ARHGAP40: variants seen among roughly 807,000 people sequenced by gnomAD.
The protein encoded by ARHGAP40 is rho GTPase-activating protein 40.
Under a neutral mutation model 73.5 loss-of-function variants are expected in ARHGAP40, and 43 were observed. The ratio of observed to expected loss-of-function variants is 0.58; its 90% CI spans 0.46 to 0.75. The LOEUF is 0.75. ARHGAP40 is among the 30% of genes least tolerant of loss of function. ARHGAP40 has a pLI of 0.00. For missense variants in ARHGAP40, 734 were observed against 861.8 expected (o/e 0.85, Z 1.86); for synonymous variants, 300 against 352.8 (o/e 0.85, Z 1.68).
exon 3 of ARHGAP40, chr20:38,627,174 G>A (rs1257441297): frequency 1.5e-6 from 2 of 1,305,362 alleles, no homozygotes; most frequent in Non-Finnish European, 2.0e-6. Flanking sequence ...CAAGACACCT[G>A]TCAGAGATGT....
intron 3 of ARHGAP40, among the ~76,000 whole-genome samples, chr20:38,627,956 T>G (rs2088912974): frequency 6.6e-6 from 1 of 152,194 alleles, no homozygotes; most frequent in Non-Finnish European, 1.5e-5. Flanking sequence ...AAGAGTGAGC[T>G]GGTGGTAGAA....
chr20:38,614,824 A>G (rs2088825210), intron 1 of ARHGAP40: 8 of 744,986 alleles, frequency 1.1e-5, no homozygotes. Flanking sequence ...CATGCATTCA[A>G]AAGTGTCTCT....
exon 14 of ARHGAP40, chr20:38,648,658 G>C (rs116418564): frequency 6.1e-6 from 8 of 1,305,586 alleles, no homozygotes; most frequent in Non-Finnish European, 8.1e-6. Flanking sequence ...GGTCCATGGA[G>C]TCAGCCAACA....
At chr20:38,648,248 C>T (rs1457760267) in intron 13 of ARHGAP40, among the ~76,000 whole-genome samples, 1 of 152,260 alleles carries the variant, frequency 6.6e-6, no homozygotes, top group Non-Finnish European at 1.5e-5. Flanking sequence ...ACATGATAGG[C>T]ATCATTATCA....
chr20:38,628,309 C>CTT lies in ARHGAP40; in HGVS notation c.559-606_559-605dup, dbSNP rs112317328. 8.7e-4 allele frequency among the ~76,000 whole-genome samples: 127 copies of CTT among 145,682 alleles called. 1 individual carries two copies. The highest frequency in any genetic ancestry group is 4.1e-3 in the Admixed American group (60 of 14,658). On this transcript the variant is annotated intron_variant, in intron 3 of 14. Transcript: ENST00000373345. ...CCTACCTCATTATCAGTACAAAATC[C>CTT]TTTTTTTTTTTTTGAGACTGAGCCT...
intron 10 of ARHGAP40, among the ~76,000 whole-genome samples, chr20:38,642,009 G>C (rs1237960159): frequency 5.9e-5 from 9 of 152,156 alleles, no homozygotes; most frequent in Admixed American, 1.3e-4. Flanking sequence ...TCCCGGAGTG[G>C]GCACTGCAGA....
chr20:38,623,423 G>A (rs2088883897), exon 2 of ARHGAP40: 1 of 1,290,944 alleles, frequency 7.7e-7, no homozygotes, highest in Non-Finnish European at 1.0e-6. Context: ...ACTACACCCT[G>A]CTGGCTCTGC....
chr20:38,632,522 A>C (rs2088947662), intron 5 of ARHGAP40, among the ~76,000 whole-genome samples: 1 of 151,878 alleles, frequency 6.6e-6, no homozygotes, highest in South Asian at 2.1e-4. Flanking sequence ...CGGCCTCCCA[A>C]AGTGCTGGGA....
intron 2 of ARHGAP40, 97 bp downstream of exon 2, chr20:38,623,655 G>A: frequency 2.0e-6 from 2 of 1,021,250 alleles, no homozygotes; most frequent in Non-Finnish European, 2.6e-6. Context: ...GAACATGACA[G>A]CATTTTCTCT....
chr20:38,642,495 A>G (rs220531), intron 10 of ARHGAP40, among the ~76,000 whole-genome samples: 74,567 of 151,936 alleles, frequency 0.49, 18,787 homozygotes, highest in East Asian at 0.58. Flanking sequence ...TGTTTTGGAA[A>G]TCATAAAAGC....
Position 38,646,875 on chromosome 20 carries a change from T to C in ARHGAP40, c.1711-82T>C. 1 of 1,202,144 alleles carries C rather than the reference T, an allele frequency of 8.3e-7. No homozygotes were observed. Among genetic ancestry groups the C allele is most frequent in the South Asian group, 1.4e-5 (1 of 70,252 alleles). 74.5% of individuals were successfully genotyped at this position (1,202,144 alleles called of 1,614,324 possible). A position where few individuals can be genotyped will look rare whatever the true frequency, so the allele number is the denominator to read the frequency against. ...CGTGGGCATTTGCGTAAGTGCCATGTATGCGTGTTTATGCATCCACGTTGG... is the reference window on the plus strand; with the variant it reads ...CGTGGGCATTTGCGTAAGTGCCATGCATGCGTGTTTATGCATCCACGTTGG... On this transcript the variant is annotated intron_variant, in intron 12 of 14. Transcript: ENST00000373345. This position sits in a 1 kb window ranked among gnomAD's most constrained non-coding sequence, Gnocchi z 4.5.
At position 38,637,254 on chromosome 20, in the gene ARHGAP40, T is replaced by A. The variant is rs138411967; in HGVS notation, c.950-454T>A. Among the ~76,000 whole-genome samples, 1,017 of 152,144 alleles carry A rather than the reference T, an allele frequency of 6.7e-3. 11 individuals are homozygous for A. Among genetic ancestry groups the A allele is most frequent in the African/African-American group, 0.024 (978 of 41,478 alleles). ...TCTGCCTCCTGGATTCAAGCGATTC[T>A]CCTGCCTCAGCCTCCCGAGTAGCTG... On this transcript the variant is annotated intron_variant, in intron 6 of 14. Coordinates refer to ENST00000373345, the Ensembl canonical transcript of ARHGAP40.
chr20:38,645,186 C>T (rs1210722577), intron 11 of ARHGAP40, among the ~76,000 whole-genome samples: 1 of 151,206 alleles, frequency 6.6e-6, no homozygotes, highest in East Asian at 1.9e-4. Flanking sequence ...CTGGTGTCCT[C>T]TGCTCATTCT....
intron 2 of ARHGAP40, among the ~76,000 whole-genome samples, chr20:38,626,522 A>G (rs1247198653): frequency 6.6e-6 from 1 of 152,212 alleles, no homozygotes; most frequent in Non-Finnish European, 1.5e-5. Context: ...GAGTTTCCTT[A>G]GGAAGCACAG....
In ARHGAP40 at chr20:38,640,098, TTCTTCCTCC is replaced by T. The variant is rs137927678; in HGVS notation, c.1279+718_1279+726del. Among the ~76,000 whole-genome samples, 161 of 136,554 alleles carry T rather than the reference TTCTTCCTCC, an allele frequency of 1.2e-3. 3 individuals carry two copies. The highest frequency in any genetic ancestry group is 1.8e-3 in the African/African-American group (59 of 32,218). The allele number at this position is 136,554 out of a possible 152,430, so 89.6% of individuals were successfully genotyped here. On this transcript the variant is annotated intron_variant, in intron 9 of 14. Transcript: ENST00000373345. ...TTGGTTGTTGTTGTTGTTCTTCTTC[TTCTTCCTCC>T]TCTTCTTCCTCTTCTTCCTCTTCTT...
At chr20:38,609,602 A>G (rs370002737) in intron 1 of ARHGAP40, among the ~76,000 whole-genome samples, 3 of 152,360 alleles carry the variant, frequency 2.0e-5, no homozygotes, top group Admixed American at 6.5e-5. Flanking sequence ...CAGGACATCA[A>G]TGAGCCCAAC....
intron 10 of ARHGAP40, among the ~76,000 whole-genome samples, chr20:38,642,854 AC>A (rs2089027799): frequency 6.6e-6 from 1 of 152,186 alleles, no homozygotes; most frequent in African/African-American, 2.4e-5. Flanking sequence ...AATAAGAGCT[AC>A]CTTGGCCAGG....
At chr20:38,650,238 G>A (rs1180988976) in exon 15 of ARHGAP40, 4 of 415,662 alleles carry the variant, frequency 9.6e-6, no homozygotes, top group Non-Finnish European at 2.0e-5. Context: ...CCACCACTTG[G>A]GGCGCTTGGA....
At chr20:38,603,421 C>G (rs1174199952) in intron 1 of ARHGAP40, among the ~76,000 whole-genome samples, 1 of 116,834 alleles carries the variant, frequency 8.6e-6, no homozygotes, top group Non-Finnish European at 1.9e-5. Flanking sequence ...ATCTATCTAT[C>G]TATCTATCTA....
Sources: gnomAD v4.1 joint callset for allele counts (sites outside exome capture counted in the v4.1 genomes callset) on GRCh38, gnomAD v4.1.1 for gene constraint, Gnocchi (gnomAD v3.1) non-coding constraint, MANE v1.5 for transcripts, NCBI Gene and HGNC (gene_info 2026-07-23, HGNC 2026-07-21) for gene names.